The following AKIP1 variants were observed in gnomAD, a reference collection of about 807,000 sequenced individuals.
The protein encoded by AKIP1 is A-kinase interacting protein 1.
AKIP1 carries 18 observed loss-of-function variants against 22.3 expected under a neutral mutation model. That is an observed-to-expected ratio of 0.81 (90% CI 0.56 to 1.19). The LOEUF (loss-of-function observed/expected upper bound fraction) is 1.19. AKIP1 is among the 50% of genes most tolerant of loss of function. The probability of loss-of-function intolerance (pLI) is 0.00; values close to 1 mark genes in which losing one functional copy is unlikely to be tolerated. For missense variants in AKIP1, 287 were observed against 264.6 expected (o/e 1.08, Z -0.59); for synonymous variants, 120 against 102.7 (o/e 1.17, Z -1.02).
At chr11:8,914,094 T>C (rs1799276299) in intron 3 of AKIP1, among the ~76,000 whole-genome samples, 2 of 152,222 alleles carry the variant, frequency 1.3e-5, no homozygotes, top group Admixed American at 1.3e-4. Flanking sequence ...TCTTTAGGTC[T>C]GTGTCCTCAA....
At chr11:8,914,195 A>C (rs1212176097) in intron 3 of AKIP1, among the ~76,000 whole-genome samples, 1 of 152,190 alleles carries the variant, frequency 6.6e-6, no homozygotes, top group African/African-American at 2.4e-5. Flanking sequence ...TGATGTCATT[A>C]GTCATTATCA....
intron 3 of AKIP1, 46 bp from the exon 4 acceptor site, chr11:8,914,780 G>T: frequency 6.7e-7 from 1 of 1,491,986 alleles, no homozygotes; most frequent in South Asian, 1.2e-5. Context: ...TTGAAAATTT[G>T]ACAAGACAAT....
At chr11:8,913,035 C>G (rs1406211698) in intron 3 of AKIP1, among the ~76,000 whole-genome samples, 1 of 149,424 alleles carries the variant, frequency 6.7e-6, no homozygotes, top group East Asian at 2.0e-4. Context: ...CCACCACGCC[C>G]AGCTAATTTT....
intron 5 of AKIP1, chr11:8,918,217 T>C (rs2064516345): frequency 6.6e-6 from 1 of 152,198 alleles, no homozygotes; most frequent in African/African-American, 2.4e-5. Flanking sequence ...GATATAACCA[T>C]ATTTTCTAAA....
chr11:8,916,071 C>T (rs1589925032), intron 4 of AKIP1, among the ~76,000 whole-genome samples: 1 of 152,024 alleles, frequency 6.6e-6, no homozygotes. Flanking sequence ...CCGCCTGCCT[C>T]GGCCTCCCAA....
At chr11:8,914,281 G>C (rs1456496844) in intron 3 of AKIP1, among the ~76,000 whole-genome samples, 1 of 152,176 alleles carries the variant, frequency 6.6e-6, no homozygotes, top group Admixed American at 6.5e-5. Flanking sequence ...CCGATCTTTC[G>C]GAAGATTCTT....
intron 4 of AKIP1, among the ~76,000 whole-genome samples, chr11:8,916,942 G>A (rs2064494975): frequency 6.6e-6 from 1 of 152,190 alleles, no homozygotes; most frequent in African/African-American, 2.4e-5. Context: ...GAGAGCCTAA[G>A]TGCCACTTTT....
Position 8,911,640 on chromosome 11 carries a change from C to T in AKIP1, c.191C>T (p.Ala64Val), listed in dbSNP as rs770730913. Residue 64 changes from alanine (A) to valine (V), a missense_variant, in exon 2 of 6, where the codon GCA becomes GTA. Transcript: ENST00000309377. ...REAPHLEKQP[A>V]AGPQRVLPGE... ...GCGCCCCACCTAGAGAAACAGCCGG[C>T]AGCCGGCCCGCAGCGCGTTCTCCCG... is the stretch of plus-strand genomic sequence containing the variant. The T allele has an allele frequency of 6.3e-7, 1 of 1,579,502 alleles. No homozygotes were observed. Among genetic ancestry groups the T allele is most frequent in the Non-Finnish European group, 8.6e-7 (1 of 1,164,866 alleles).
chr11:8,912,295 A>G (rs947825916), intron 2 of AKIP1, among the ~76,000 whole-genome samples, 158 bp from the exon 3 acceptor site: 9 of 152,062 alleles, frequency 5.9e-5, no homozygotes, highest in Non-Finnish European at 1.2e-4. Context: ...TTGCATGTCT[A>G]TCTTTTAGAG....
chr11:8,912,001 C>G (rs2064372415), intron 2 of AKIP1, among the ~76,000 whole-genome samples: 1 of 151,776 alleles, frequency 6.6e-6, no homozygotes, highest in Non-Finnish European at 1.5e-5. Context: ...AGTTCGAAAG[C>G]AGCCTGACCA....
In AKIP1 at chr11:8,911,682, C is replaced by T; in HGVS notation, c.222+11C>T. On this transcript the variant is annotated intron_variant, in intron 2 of 5. Transcript: ENST00000309377. ...GTTCTCCCGGGAGAGGTGAGGGTCG[C>T]TGTGCCGGGGGCCGCCCCAGTCCTT... 1 of 1,511,404 alleles carries T rather than the reference C, an allele frequency of 6.6e-7. No individual in the cohort carries two copies. Among genetic ancestry groups the T allele is most frequent in the Non-Finnish European group, 8.8e-7 (1 of 1,131,940 alleles). The allele number at this position is 1,511,404 out of a possible 1,614,324, so 93.6% of individuals were successfully genotyped here. A position where few individuals can be genotyped will look rare whatever the true frequency, so the allele number is the denominator to read the frequency against.
intron 5 of AKIP1, among the ~76,000 whole-genome samples, chr11:8,919,125 A>G (rs2064534150): frequency 6.6e-6 from 1 of 152,192 alleles, no homozygotes; most frequent in Non-Finnish European, 1.5e-5. Context: ...TTTGTGAGGT[A>G]TTATCACAGT....
rs766313147 is a variant in AKIP1, at chr11:8,912,446, C to T, written c.223-7C>T. On this transcript the variant is annotated splice_polypyrimidine_tract_variant and splice_region_variant and intron_variant, in intron 2 of 5. Coordinates refer to ENST00000309377, the MANE Select transcript of AKIP1 (RefSeq NM_020642.4). ...GCTAACCTGTGACGTGCCATTTATT[C>T]AAATAGAGAGAAGAGAGACCCCCAA... The T allele has an allele frequency of 2.5e-6, 4 of 1,611,716 alleles. No individual in the cohort carries two copies. The highest frequency in any genetic ancestry group is 3.4e-6 in the Non-Finnish European group (4 of 1,177,804).
At chr11:8,917,087 T>G (rs181352096) in intron 4 of AKIP1, among the ~76,000 whole-genome samples, 200 bp from the exon 5 acceptor site, 2 of 152,354 alleles carry the variant, frequency 1.3e-5, no homozygotes, top group East Asian at 3.9e-4. Context: ...CCAAAGCCCA[T>G]GTAAGGATGA....
chr11:8,914,026 G>C lies in AKIP1; in HGVS notation c.304-800G>C, dbSNP rs531298243. On this transcript the variant is annotated intron_variant, in intron 3 of 5. Transcript: ENST00000309377. Reference sequence around the variant, plus strand: ...AGAACCTCTTGGCTTTCTAGAGATAGAATTAAGAATTGTGTACTGGGTTTG... The same window carrying C: ...AGAACCTCTTGGCTTTCTAGAGATACAATTAAGAATTGTGTACTGGGTTTG... Among the ~76,000 whole-genome samples, 3 of 152,342 alleles carry C rather than the reference G, an allele frequency of 2.0e-5. No individual in the cohort carries two copies. The South Asian group carries it at 6.2e-4, about 32-fold the overall frequency.
Position 8,911,754 on chromosome 11 carries a change from C to G in AKIP1, c.222+83C>G, listed in dbSNP as rs1248333058. ...GAGCCAGGGGTGCGCAGCGCAGAAG[C>G]AGCTGAGGAAACCTTCCCTTAGCGG... is the stretch of plus-strand genomic sequence containing the variant. On this transcript the variant is annotated intron_variant, in intron 2 of 5. Transcript: ENST00000309377. 2.3e-5 allele frequency: 31 copies of G among 1,353,692 alleles called. No individual in the cohort carries two copies. The East Asian group carries it at 7.6e-4, about 33-fold the overall frequency. 83.9% of individuals were successfully genotyped at this position (1,353,692 alleles called of 1,614,324 possible).
chr11:8,917,205 C>A, intron 4 of AKIP1, 82 bp from the exon 5 acceptor site: 1 of 882,204 alleles, frequency 1.1e-6, no homozygotes. Context: ...TTACTAACTC[C>A]TAATAAGGTA....
At position 8,919,376 on chromosome 11, in the gene AKIP1, C is replaced by T. The variant is rs2064540362; in HGVS notation, c.529C>T (p.Pro177Ser). The T allele has an allele frequency of 6.2e-7, 1 of 1,613,792 alleles. No individual in the cohort carries two copies. The highest frequency in any genetic ancestry group is 1.3e-5 in the African/African-American group (1 of 74,912). ...TAAGGACCTCTACATAGAAGTATATCCAGGGACCTATTCTGTCACTGTGGG... is the reference window on the plus strand; with the variant it reads ...TAAGGACCTCTACATAGAAGTATATTCAGGGACCTATTCTGTCACTGTGGG... ...ISKDLYIEVY[P>S]GTYSVTVGSN... Residue 177 changes from proline (P) to serine (S), a missense_variant, in exon 6 of 6, where the codon CCA (proline) becomes TCA (serine). Pro to Ser is a moderately conservative substitution (Grantham distance 74, BLOSUM62 -1). Coordinates refer to ENST00000309377, the MANE Select transcript of AKIP1 (RefSeq NM_020642.4).
chr11:8,917,143 T>A, intron 4 of AKIP1, 144 bp from the exon 5 acceptor site: 1 of 554,252 alleles, frequency 1.8e-6, no homozygotes, highest in Non-Finnish European at 3.2e-6. Flanking sequence ...AGAATTCACT[T>A]AAAAATGCCT....
Sources: gnomAD v4.1 joint callset for allele counts (sites outside exome capture counted in the v4.1 genomes callset) on GRCh38, gnomAD v4.1.1 for gene constraint, MANE v1.5 for transcripts, NCBI Gene and HGNC (gene_info 2026-07-23, HGNC 2026-07-21) for gene names.